KCNIP3: variants seen among roughly 807,000 people sequenced by gnomAD.
KCNIP3 encodes calsenilin.
KCNIP3 carries 28 observed loss-of-function variants against 35.0 expected under a neutral mutation model. The ratio of observed to expected loss-of-function variants is 0.80; its 90% confidence interval spans 0.59 to 1.10. The LOEUF (loss-of-function observed/expected upper bound fraction) is 1.10, where lower values mean the gene tolerates loss of function less well. KCNIP3 is among the 50% of genes least tolerant of loss of function. KCNIP3 has a pLI of 0.00. For missense variants in KCNIP3, 295 were observed against 338.4 expected (o/e 0.87, Z 1.01); for synonymous variants, 134 against 133.8 (o/e 1.00, Z -0.01).
At chr2:95,353,964 C>T (rs553140881) in intron 2 of KCNIP3, among the ~76,000 whole-genome samples, 9 of 152,338 alleles carry the variant, frequency 5.9e-5, no homozygotes, top group East Asian at 5.8e-4. Context: ...GTGCACAGGA[C>T]GGCCCCAGCA....
chr2:95,302,628 C>T (rs916710814), intron 1 of KCNIP3, among the ~76,000 whole-genome samples: 1 of 152,224 alleles, frequency 6.6e-6, no homozygotes, highest in Non-Finnish European at 1.5e-5. Context: ...TTCCCCTTAA[C>T]CCTGTGAGGG....
At chr2:95,369,916 C>T (rs1384471130) in intron 2 of KCNIP3, among the ~76,000 whole-genome samples, 4 of 152,202 alleles carry the variant, frequency 2.6e-5, no homozygotes, top group Non-Finnish European at 5.9e-5. Context: ...CCACTGCACT[C>T]AGTCCATCCA....
chr2:95,383,950 G>A (rs370083194), intron 8 of KCNIP3, 52 bp from the exon 9 acceptor site: 43 of 1,542,104 alleles, frequency 2.8e-5, no homozygotes, highest in East Asian at 9.0e-5. Flanking sequence ...CAAGGGGGTC[G>A]GATTTGGAGC....
At chr2:95,375,556 T>C (rs890236833) in intron 5 of KCNIP3, among the ~76,000 whole-genome samples, 4 of 152,102 alleles carry the variant, frequency 2.6e-5, no homozygotes, top group African/African-American at 9.7e-5. Context: ...CCTGGTTTGC[T>C]GACGGTGGGA....
chr2:95,329,596 C>T (rs1211740170), intron 2 of KCNIP3, among the ~76,000 whole-genome samples: 1 of 152,246 alleles, frequency 6.6e-6, no homozygotes, highest in East Asian at 1.9e-4. Context: ...ACCGCTGGGG[C>T]TCCATCACCG....
At chr2:95,372,259 C>T (rs575653923) in intron 2 of KCNIP3, among the ~76,000 whole-genome samples, 31 of 152,294 alleles carry the variant, frequency 2.0e-4, no homozygotes, top group African/African-American at 6.5e-4. Context: ...ATCTGCTCCA[C>T]GGCACAGTTC....
At chr2:95,308,702 C>T (rs566523210) in intron 1 of KCNIP3, among the ~76,000 whole-genome samples, 4 of 152,306 alleles carry the variant, frequency 2.6e-5, no homozygotes, top group Admixed American at 6.5e-5. Flanking sequence ...TCTCTGATCT[C>T]GTCTGCTTTC....
Position 95,376,693 on chromosome 2 carries a change from A to C in KCNIP3, c.447+1485A>C, listed in dbSNP as rs1476416680. ...AAAGTGTTCTGCTCTGGGAAGGAGG[A>C]GGGCACAAGCCCCCATGGCCCCATC... is the stretch of plus-strand genomic sequence containing the variant. On this transcript the variant is annotated intron_variant, in intron 5 of 8. Transcript: ENST00000295225. The surrounding 1 kb of genome is among the most constrained non-coding windows in gnomAD (Gnocchi z 4.2). 1.3e-5 allele frequency among the ~76,000 whole-genome samples: 2 copies of C among 152,216 alleles called. No individual in the cohort carries two copies. The highest frequency in any genetic ancestry group is 2.9e-5 in the Non-Finnish European group (2 of 68,040).
Position 95,377,373 on chromosome 2 carries a change from G to A in KCNIP3, c.447+2165G>A, listed in dbSNP as rs1418378393. On this transcript the variant is annotated intron_variant, in intron 5 of 8. Coordinates refer to ENST00000295225, the MANE Select transcript of KCNIP3 (RefSeq NM_013434.5). The surrounding 1 kb of genome is among the most constrained non-coding windows in gnomAD (Gnocchi z 4.7). ...CTGCTCCATGTGCCAGTGGCCAAGCGGCATCCAGGGCCGTGTGAGGGCAGC... is the reference window on the plus strand; with the variant it reads ...CTGCTCCATGTGCCAGTGGCCAAGCAGCATCCAGGGCCGTGTGAGGGCAGC... Among the ~76,000 whole-genome samples, 9 of 152,194 alleles carry A rather than the reference G, an allele frequency of 5.9e-5. No homozygotes were observed. Among genetic ancestry groups the A allele is most frequent in the Admixed American group, 4.6e-4 (7 of 15,284 alleles).
intron 1 of KCNIP3, among the ~76,000 whole-genome samples, chr2:95,309,120 GGTCCAATGGGCCAGACCACACCT>G (rs1558758518): frequency 6.6e-6 from 1 of 152,144 alleles, no homozygotes; most frequent in Non-Finnish European, 1.5e-5. Flanking sequence ...GGTGGGCTGT[GGTCCAATGGGCCAGACCACACCT>G]GTCCCCCTGC....
At position 95,383,438 on chromosome 2, in the gene KCNIP3, C is replaced by T. The variant is rs1302864082; in HGVS notation, c.723+144C>T. On this transcript the variant is annotated intron_variant, in intron 8 of 8. Transcript: ENST00000295225. The stretch of plus-strand genomic sequence containing the variant: ...AGCTGTCCTTGGCCCCTTGCCACCT[C>T]CTGGACAGCCCCAAGCTCCACTTGC... 3 of 794,812 alleles carry T rather than the reference C, an allele frequency of 3.8e-6. No homozygotes were observed. In the African/African-American group the frequency reaches 5.1e-5, roughly 13 times the overall value. The allele number at this position is 794,812 out of a possible 1,614,324, so 49.2% of individuals were successfully genotyped here.
intron 1 of KCNIP3, among the ~76,000 whole-genome samples, chr2:95,307,806 C>T (rs1239814877): frequency 2.6e-5 from 4 of 152,178 alleles, no homozygotes; most frequent in Non-Finnish European, 5.9e-5. Context: ...GCTCCGAGGC[C>T]GCCTCAGTTT....
At position 95,380,835 on chromosome 2, in the gene KCNIP3, C is replaced by T. The variant is rs191509351; in HGVS notation, c.448-761C>T. Among the ~76,000 whole-genome samples the T allele has an allele frequency of 1.7e-4, 26 of 152,136 alleles. No homozygotes were observed. The East Asian group carries it at 3.7e-3, about 22-fold the overall frequency. ...TTGGAGACCAGCCTGGACAACATAGCGAGACCCCATCTCTATAAGTATAAA... is the reference window on the plus strand; with the variant it reads ...TTGGAGACCAGCCTGGACAACATAGTGAGACCCCATCTCTATAAGTATAAA... On this transcript the variant is annotated intron_variant, in intron 5 of 8. Transcript: ENST00000295225.
intron 1 of KCNIP3, among the ~76,000 whole-genome samples, chr2:95,300,577 CGGGGGAGGGCACA>C (rs60919349): frequency 0.62 from 93,996 of 152,042 alleles, 29,444 homozygotes; most frequent in Non-Finnish European, 0.66. Context: ...GCCTGAGAGT[CGGGGGAGGGCACA>C]GCATGGGGCG....
chr2:95,302,680 C>T (rs547978810), intron 1 of KCNIP3, among the ~76,000 whole-genome samples: 4 of 152,298 alleles, frequency 2.6e-5, no homozygotes, highest in African/African-American at 4.8e-5. Flanking sequence ...AACTGAGGCT[C>T]GGAGCTGTCA....
At chr2:95,301,206 G>A (rs1042082982) in intron 1 of KCNIP3, among the ~76,000 whole-genome samples, 7 of 152,270 alleles carry the variant, frequency 4.6e-5, no homozygotes, top group African/African-American at 1.4e-4. Context: ...GATGCTCACA[G>A]CATCTGCCAG....
At chr2:95,316,552 G>A (rs1038975338) in intron 2 of KCNIP3, among the ~76,000 whole-genome samples, 2 of 152,198 alleles carry the variant, frequency 1.3e-5, no homozygotes, top group African/African-American at 4.8e-5. Context: ...TCCCCTCACT[G>A]TGGCAATGTG....
intron 2 of KCNIP3, among the ~76,000 whole-genome samples, chr2:95,338,117 C>A (rs1244632794): frequency 6.6e-6 from 1 of 152,156 alleles, no homozygotes; most frequent in Non-Finnish European, 1.5e-5. Context: ...ACAGCCAGGG[C>A]AGGAGGTAGG....
At chr2:95,343,632 T>C (rs761206503) in intron 2 of KCNIP3, among the ~76,000 whole-genome samples, 2 of 152,144 alleles carry the variant, frequency 1.3e-5, no homozygotes, top group Non-Finnish European at 2.9e-5. Flanking sequence ...TCGGTCAAAC[T>C]GACAGAGTCC....
Sources: gnomAD v4.1 joint callset for allele counts (sites outside exome capture counted in the v4.1 genomes callset) on GRCh38, gnomAD v4.1.1 for gene constraint, Gnocchi (gnomAD v3.1) non-coding constraint, MANE v1.5 for transcripts, NCBI Gene and HGNC (gene_info 2026-07-23, HGNC 2026-07-21) for gene names.